The following MAK variants were observed in gnomAD, a reference collection of about 807,000 sequenced individuals.
The protein encoded by MAK is male germ cell associated kinase.
A neutral mutation model predicts 82.6 loss-of-function variants in MAK; 65 were observed. That is an observed-to-expected ratio of 0.79 (90% CI 0.64 to 0.97). MAK has a LOEUF of 0.97. MAK is among the 50% of genes least tolerant of loss of function. MAK has a pLI of 0.00. For synonymous variants in MAK, 250 were observed against 274.2 expected, an observed-to-expected ratio of 0.91 and a Z score of 0.87; for missense variants, 703 against 780.2, an observed-to-expected ratio of 0.90 and a Z score of 1.18.
intron 12 of MAK, 97 bp from the exon 13 acceptor site, chr6:10,773,205 A>G (rs1290792044): frequency 6.0e-6 from 4 of 665,162 alleles, no homozygotes; most frequent in Admixed American, 6.4e-5. Context: ...GAAAAGATCC[A>G]GAAAGAGCCC....
At chr6:10,825,631 A>G (rs1778306127) in intron 2 of MAK, among the ~76,000 whole-genome samples, 1 of 151,312 alleles carries the variant, frequency 6.6e-6, no homozygotes, top group African/African-American at 2.4e-5. Context: ...CTTTACCCCT[A>G]AGCCTGTGAT....
chr6:10,772,061 C>T (rs1226370275), intron 13 of MAK, among the ~76,000 whole-genome samples: 1 of 152,178 alleles, frequency 6.6e-6, no homozygotes, highest in Non-Finnish European at 1.5e-5. Flanking sequence ...CTGGCTTAAA[C>T]AACTTGTCCC....
chr6:10,811,547 C>T (rs1215044766), intron 5 of MAK, among the ~76,000 whole-genome samples: 1 of 152,162 alleles, frequency 6.6e-6, no homozygotes, highest in Non-Finnish European at 1.5e-5. Flanking sequence ...CATAAATCAA[C>T]CCAGGCAAAT....
At position 10,784,442 on chromosome 6, in the gene MAK, G is replaced by GT; in HGVS notation, c.1446dup (p.Gln483ThrfsTer56). 3 of 1,614,126 alleles carry GT rather than the reference G, an allele frequency of 1.9e-6. No homozygotes were observed. The highest frequency in any genetic ancestry group is 2.5e-6 in the Non-Finnish European group (3 of 1,180,014). On this transcript the variant is annotated frameshift_variant, in exon 11 of 15. Coordinates refer to ENST00000354489, the MANE Select transcript of MAK (RefSeq NM_001242957.3). LOFTEE classifies it high-confidence loss of function. ...TACTTACCTGGAAGATATCTTGATT[G>GT]TTTCAAGTAGTACTGTTTAGAGGTT...
intron 2 of MAK, among the ~76,000 whole-genome samples, chr6:10,825,199 G>C (rs1185380856): frequency 6.6e-6 from 1 of 151,966 alleles, no homozygotes; most frequent in Non-Finnish European, 1.5e-5. Context: ...TGACACATTT[G>C]AGGACAAAAA....
chr6:10,800,883 A>G lies in MAK; in HGVS notation c.831+1009T>C, dbSNP rs1775965593. ...GTAACCCTTCTGTGAGTTGTAAAGT[A>G]TGGTGAGCAGTAAGGACCTCAATTT... On this transcript the variant is annotated intron_variant, in intron 8 of 14. Transcript: ENST00000354489. This position sits in a 1 kb window ranked among gnomAD's most constrained non-coding sequence, Gnocchi z 4.2. Among the ~76,000 whole-genome samples the G allele has an allele frequency of 6.6e-6, 1 of 152,166 alleles. No individual in the cohort carries two copies. The highest frequency in any genetic ancestry group is 2.4e-5 in the African/African-American group (1 of 41,408).
rs1201940872 is a variant in MAK at position 10,818,884 on chromosome 6, A to G, written c.156+2T>C. The G allele has an allele frequency of 3.0e-5, 47 of 1,555,622 alleles. No individual in the cohort carries two copies. The highest frequency in any genetic ancestry group is 4.0e-5 in the Non-Finnish European group (45 of 1,127,846). On this transcript the variant is annotated splice_donor_variant, in intron 3 of 14. Coordinates refer to ENST00000354489, the MANE Select transcript of MAK (RefSeq NM_001242957.3). LOFTEE classifies it high-confidence loss of function. ...AGGTTCTTTTCATCTTTAGGATTTT[A>G]CCTTAACTTCTCTCAAGTTCATGCA...
At chr6:10,815,911 A>AATATATATATATATATATATATATATAT in intron 4 of MAK, among the ~76,000 whole-genome samples, 2 of 78,188 alleles carry the variant, frequency 2.6e-5, no homozygotes, top group South Asian at 4.1e-4. Context: ...AGCTTTATAC[A>AATATATATATATATATATATATATATAT]GTATATATAT....
chr6:10,820,474 C>G (rs1190491464), intron 2 of MAK, among the ~76,000 whole-genome samples: 1 of 152,138 alleles, frequency 6.6e-6, no homozygotes, highest in Non-Finnish European at 1.5e-5. Context: ...ACCTAATGAC[C>G]TGTCTGTGCC....
chr6:10,773,229 A>T, intron 12 of MAK, 121 bp from the exon 13 acceptor site: 1 of 518,274 alleles, frequency 1.9e-6, no homozygotes, highest in South Asian at 3.4e-5. Context: ...AAAATGCAAA[A>T]ATGTCCCCAT....
intron 12 of MAK, among the ~76,000 whole-genome samples, chr6:10,774,026 A>G (rs961002734): frequency 6.6e-6 from 1 of 152,134 alleles, no homozygotes; most frequent in Non-Finnish European, 1.5e-5. Flanking sequence ...TATGTCCTCC[A>G]ATATTGACAT....
At chr6:10,785,290 G>A (rs748429469) in intron 10 of MAK, among the ~76,000 whole-genome samples, 1 of 152,154 alleles carries the variant, frequency 6.6e-6, no homozygotes, top group African/African-American at 2.4e-5. Context: ...AGGCAGCAGT[G>A]CGTGAGGCGG....
In MAK at chr6:10,764,383, A is replaced by T; in HGVS notation, c.*69T>A. The T allele has an allele frequency of 6.5e-7, 1 of 1,534,286 alleles. No homozygotes were observed. Among genetic ancestry groups the T allele is most frequent in the Non-Finnish European group, 9.0e-7 (1 of 1,115,116 alleles). On this transcript the variant is annotated 3_prime_UTR_variant, in exon 15 of 15. Coordinates refer to ENST00000354489, the MANE Select transcript of MAK (RefSeq NM_001242957.3). ...TCAGTAGAAATAGACATTTGTAGAC[A>T]TTTCCCAGGGTCAAGGAACTTGCAC...
intron 2 of MAK, among the ~76,000 whole-genome samples, chr6:10,828,015 T>C (rs928381756): frequency 1.3e-5 from 2 of 152,174 alleles, no homozygotes; most frequent in African/African-American, 4.8e-5. Context: ...AAGAAATCAA[T>C]GTTTGTTTTT....
At chr6:10,823,529 G>A (rs10946802) in intron 2 of MAK, among the ~76,000 whole-genome samples, 1 of 151,850 alleles carries the variant, frequency 6.6e-6, no homozygotes, top group African/African-American at 2.4e-5. Flanking sequence ...AATGTAGAAC[G>A]TATTTATTTA....
chr6:10,771,662 G>C (rs1249210956), intron 13 of MAK, among the ~76,000 whole-genome samples: 5 of 152,186 alleles, frequency 3.3e-5, no homozygotes, highest in Non-Finnish European at 7.3e-5. Flanking sequence ...GGCATATCAG[G>C]CTTCAACAGG....
chr6:10,780,844 G>C (rs913134126), intron 11 of MAK, among the ~76,000 whole-genome samples: 1 of 152,042 alleles, frequency 6.6e-6, no homozygotes, highest in African/African-American at 2.4e-5. Context: ...CCTTGCTTTT[G>C]CAGTCAGATT....
chr6:10,769,697 G>C lies in MAK; in HGVS notation c.1792+414C>G, dbSNP rs1481226847. Among the ~76,000 whole-genome samples the C allele has an allele frequency of 2.0e-5, 3 of 152,140 alleles. No homozygotes were observed. In the East Asian group the frequency reaches 5.8e-4, roughly 29 times the overall value. ...AAAAGGCATTTTCTCACATCTCTCT[G>C]TGCAGCACAGCACACTCTTTGGAAG... On this transcript the variant is annotated intron_variant, in intron 14 of 14. Coordinates refer to ENST00000354489, the MANE Select transcript of MAK (RefSeq NM_001242957.3).
chr6:10,779,525 C>G, intron 11 of MAK: 1 of 977,884 alleles, frequency 1.0e-6, no homozygotes, highest in South Asian at 4.7e-5. Context: ...ATTTCTAGAG[C>G]TCCCAGAATC....
Sources: gnomAD v4.1 joint callset for allele counts (sites outside exome capture counted in the v4.1 genomes callset) on GRCh38, gnomAD v4.1.1 for gene constraint, Gnocchi (gnomAD v3.1) non-coding constraint, MANE v1.5 for transcripts, NCBI Gene and HGNC (gene_info 2026-07-23, HGNC 2026-07-21) for gene names.